Variants in FANCL observed in about 807,000 individuals in gnomAD.
FANCL encodes FA complementation group L.
In FANCL, 69 loss-of-function variants were observed where a neutral mutation model predicts 59.4. The ratio of observed to expected loss-of-function variants is 1.16; its 90% CI spans 0.96 to 1.42. FANCL has a LOEUF of 1.42. Among genes scored for constraint, FANCL ranks in the 40% most tolerant of loss-of-function variants. The pLI, the probability that FANCL is intolerant of heterozygous loss-of-function variation, is 0.00. For missense variants in FANCL, 519 were observed against 447.2 expected (o/e 1.16, Z -1.45); for synonymous variants, 180 against 147.1 (o/e 1.22, Z -1.62).
In FANCL at chr2:58,159,506, C is replaced by A. The variant is rs1684730252; in HGVS notation, c.*259G>T. On this transcript the variant is annotated 3_prime_UTR_variant, in exon 14 of 14. Transcript: ENST00000233741. ...CCAGATATATTCAAGAAGTCAAGAT[C>A]TCCATCTTGGTATAAATACACTTCC... 1 of 1,613,546 alleles carries A rather than the reference C, an allele frequency of 6.2e-7. No homozygotes were observed. The highest frequency in any genetic ancestry group is 8.5e-7 in the Non-Finnish European group (1 of 1,179,744).
chr2:58,227,640 T>C (rs779809687), intron 3 of FANCL, among the ~76,000 whole-genome samples: 12 of 152,104 alleles, frequency 7.9e-5, no homozygotes, highest in African/African-American at 2.9e-4. Flanking sequence ...TCCACCGATA[T>C]ATTTCTCTCA....
intron 7 of FANCL, among the ~76,000 whole-genome samples, chr2:58,175,359 G>C (rs965739525): frequency 2.7e-5 from 4 of 149,776 alleles, no homozygotes; most frequent in Non-Finnish European, 4.4e-5. Context: ...CAATATCCTT[G>C]ATGAACATTG....
Position 58,232,043 on chromosome 2 carries a change from C to G in FANCL, c.155+11G>C, listed in dbSNP as rs1366440902. On this transcript the variant is annotated intron_variant, in intron 2 of 13. Coordinates refer to ENST00000233741, the MANE Select transcript of FANCL (RefSeq NM_018062.4). ...GCAAAAATGCACGTTTATAACTAAACACCATATCACCTTGCATTCTTCAGT... is the reference window on the plus strand; with the variant it reads ...GCAAAAATGCACGTTTATAACTAAAGACCATATCACCTTGCATTCTTCAGT... The G allele has an allele frequency of 2.5e-6, 4 of 1,612,122 alleles. No homozygotes were observed. In the South Asian group the frequency reaches 4.4e-5, roughly 18 times the overall value.
chr2:58,225,450 T>C (rs1692909614), intron 4 of FANCL, among the ~76,000 whole-genome samples: 1 of 151,968 alleles, frequency 6.6e-6, no homozygotes, highest in Non-Finnish European at 1.5e-5. Context: ...CATTTGTAAA[T>C]CCTAATGAAA....
chr2:58,192,202 G>GT (rs1157506529), intron 7 of FANCL, among the ~76,000 whole-genome samples: 1 of 151,818 alleles, frequency 6.6e-6, no homozygotes, highest in Non-Finnish European at 1.5e-5. Flanking sequence ...CATTCCACAA[G>GT]TATCTCATGT....
At chr2:58,177,741 C>G (rs899626215) in intron 7 of FANCL, among the ~76,000 whole-genome samples, 1 of 150,250 alleles carries the variant, frequency 6.7e-6, no homozygotes. Context: ...TGTAAGTAAC[C>G]TGCACATTGT....
intron 1 of FANCL, among the ~76,000 whole-genome samples, chr2:58,240,333 G>C (rs1186142558): frequency 6.6e-6 from 1 of 152,132 alleles, no homozygotes; most frequent in Non-Finnish European, 1.5e-5. Context: ...CGTGATGGTG[G>C]GGAAGTGGGC....
intron 5 of FANCL, among the ~76,000 whole-genome samples, chr2:58,214,988 G>C (rs1291072380): frequency 6.6e-6 from 1 of 152,134 alleles, no homozygotes; most frequent in African/African-American, 2.4e-5. Flanking sequence ...ATCCACTGAG[G>C]TAGGCTGCCT....
At chr2:58,238,268 C>T (rs1173521650) in intron 1 of FANCL, among the ~76,000 whole-genome samples, 1 of 152,160 alleles carries the variant, frequency 6.6e-6, no homozygotes, top group Non-Finnish European at 1.5e-5. Flanking sequence ...ATTGGACACC[C>T]TGTTTTAGAC....
At chr2:58,220,695 T>G (rs1692390461) in intron 5 of FANCL, among the ~76,000 whole-genome samples, 1 of 152,200 alleles carries the variant, frequency 6.6e-6, no homozygotes, top group African/African-American at 2.4e-5. Context: ...GATTTGATTT[T>G]CTGGTTCTTT....
chr2:58,196,911 G>C (rs1003218744), intron 7 of FANCL, among the ~76,000 whole-genome samples: 10 of 151,616 alleles, frequency 6.6e-5, no homozygotes, highest in African/African-American at 2.4e-4. Context: ...CATCAAGATT[G>C]AACTTCCAGA....
intron 7 of FANCL, among the ~76,000 whole-genome samples, chr2:58,189,650 C>G (rs1042225318): frequency 6.6e-6 from 1 of 152,068 alleles, no homozygotes; most frequent in East Asian, 1.9e-4. Context: ...GAATGTAACG[C>G]TTATTATCTT....
At chr2:58,222,136 G>A (rs1692537333) in intron 4 of FANCL, 94 bp from the exon 5 acceptor site, 3 of 852,500 alleles carry the variant, frequency 3.5e-6, no homozygotes, top group Non-Finnish European at 5.7e-6. Flanking sequence ...TATCTTCTTA[G>A]TGCCTAATAA....
intron 7 of FANCL, among the ~76,000 whole-genome samples, chr2:58,187,282 G>T (rs1392984019): frequency 6.6e-6 from 1 of 151,988 alleles, no homozygotes; most frequent in East Asian, 1.9e-4. Flanking sequence ...GGATGAAGCT[G>T]GAAACTATCA....
At chr2:58,161,379 G>A (rs1685138783) in intron 12 of FANCL, 143 bp downstream of exon 12, 1 of 688,452 alleles carries the variant, frequency 1.5e-6, no homozygotes. Flanking sequence ...ATAAGCATCT[G>A]GAATAAACTG....
chr2:58,192,752 C>T (rs1689053730), intron 7 of FANCL, among the ~76,000 whole-genome samples: 1 of 151,782 alleles, frequency 6.6e-6, no homozygotes. Context: ...AATACAAAAG[C>T]ATGTAATGAC....
chr2:58,180,734 AT>A (rs1378140592), intron 7 of FANCL, among the ~76,000 whole-genome samples: 2 of 151,948 alleles, frequency 1.3e-5, no homozygotes, highest in Admixed American at 1.3e-4. Flanking sequence ...TACAATAAAA[AT>A]AGCCACCTTC....
At chr2:58,165,038 C>A (rs1168545520) in intron 8 of FANCL, among the ~76,000 whole-genome samples, 1 of 152,040 alleles carries the variant, frequency 6.6e-6, no homozygotes, top group Non-Finnish European at 1.5e-5. Context: ...AAATGGGTAT[C>A]TTAAAACTAG....
chr2:58,202,932 A>G (rs1387907414), intron 6 of FANCL, among the ~76,000 whole-genome samples: 2 of 151,704 alleles, frequency 1.3e-5, no homozygotes, highest in African/African-American at 2.4e-5. Flanking sequence ...TTACTAAGGT[A>G]CAAAATATAA....
Sources: allele counts gnomAD v4.1 joint callset (sites outside exome capture counted in the v4.1 genomes callset), GRCh38; gene constraint gnomAD v4.1.1; transcripts MANE v1.5; gene names NCBI Gene and HGNC (gene_info 2026-07-23, HGNC 2026-07-21).